AIG1: variants seen among roughly 807,000 people sequenced by gnomAD.
AIG1 encodes androgen-induced gene 1 protein.
Under a neutral mutation model 31.4 loss-of-function variants are expected in AIG1, and 23 were observed. The ratio of observed to expected loss-of-function variants is 0.73; its 90% CI spans 0.53 to 1.04. AIG1 has a LOEUF of 1.04. Among genes scored for constraint, AIG1 ranks in the 50% least tolerant of loss-of-function variants. The pLI is 0.00. For synonymous variants in AIG1, 100 were observed against 110.5 expected, an observed-to-expected ratio of 0.90 and a Z score of 0.60; for missense variants, 274 against 295.0, an observed-to-expected ratio of 0.93 and a Z score of 0.52.
intron 2 of AIG1, among the ~76,000 whole-genome samples, chr6:143,153,026 G>A (rs1022883846): frequency 1.3e-5 from 2 of 152,142 alleles, no homozygotes; most frequent in Admixed American, 6.5e-5. Flanking sequence ...CTAAAGTCAC[G>A]GGATGACACA....
At chr6:143,067,803 T>G (rs1305238732) in intron 1 of AIG1, among the ~76,000 whole-genome samples, 1 of 152,136 alleles carries the variant, frequency 6.6e-6, no homozygotes, top group Admixed American at 6.5e-5. Flanking sequence ...TAGGTGGATT[T>G]TTTTCTGTTT....
upstream of AIG1, chr6:143,060,853 CGCCCCCGCGCGCCCGGCGCCT>C: frequency 9.3e-7 from 1 of 1,077,734 alleles, no homozygotes; most frequent in Non-Finnish European, 1.1e-6. Context: ...CCACGGCGCC[CGCCCCCGCGCGCCCGGCGCCT>C]CCCTCACGCC....
At chr6:143,161,805 G>A (rs1325122584) in intron 2 of AIG1, among the ~76,000 whole-genome samples, 5 of 152,046 alleles carry the variant, frequency 3.3e-5, no homozygotes, top group African/African-American at 7.2e-5. Flanking sequence ...TTCTCAACTT[G>A]ATAAAAGACA....
chr6:143,213,830 C>T (rs553108251), intron 3 of AIG1, among the ~76,000 whole-genome samples: 2 of 151,976 alleles, frequency 1.3e-5, no homozygotes, highest in East Asian at 3.9e-4. Flanking sequence ...GAAGTTCTTT[C>T]TGAGAAGACA....
chr6:143,254,637 T>C (rs1795248818), intron 3 of AIG1, among the ~76,000 whole-genome samples: 1 of 152,182 alleles, frequency 6.6e-6, no homozygotes, highest in Non-Finnish European at 1.5e-5. Context: ...AATATACAAT[T>C]GTAGCTCTAA....
intron 1 of AIG1, among the ~76,000 whole-genome samples, chr6:143,117,157 TCAAAGAGACAGCCC>T (rs1781809147): frequency 6.6e-6 from 1 of 151,974 alleles, no homozygotes. Flanking sequence ...AGGGTGCAGT[TCAAAGAGACAGCCC>T]CAAACCCAGG....
intron 3 of AIG1, among the ~76,000 whole-genome samples, chr6:143,228,977 G>A (rs1291968412): frequency 2.0e-5 from 3 of 152,312 alleles, no homozygotes; most frequent in East Asian, 1.9e-4. Context: ...TGGCAGTGCC[G>A]GATCATGCCA....
chr6:143,286,498 C>T (rs768584697), intron 4 of AIG1, among the ~76,000 whole-genome samples: 2 of 152,110 alleles, frequency 1.3e-5, no homozygotes, highest in Non-Finnish European at 2.9e-5. Flanking sequence ...TAAACAATGG[C>T]CCTCACGTCA....
intron 4 of AIG1, among the ~76,000 whole-genome samples, chr6:143,318,932 C>T (rs1775980712): frequency 6.6e-6 from 1 of 152,044 alleles, no homozygotes; most frequent in South Asian, 2.1e-4. Context: ...TGTGATACCA[C>T]CTTACTCCTG....
chr6:143,278,168 A>AGT (rs1198333275), intron 3 of AIG1, among the ~76,000 whole-genome samples: 1 of 152,160 alleles, frequency 6.6e-6, no homozygotes, highest in Non-Finnish European at 1.5e-5. Flanking sequence ...CAGAATCTAA[A>AGT]CCTCCAACTC....
chr6:143,148,277 G>A (rs1457421009), intron 2 of AIG1, among the ~76,000 whole-genome samples: 1 of 142,794 alleles, frequency 7.0e-6, no homozygotes, highest in Non-Finnish European at 1.5e-5. Flanking sequence ...GAGGCAGGCA[G>A]ATCACTAGAG....
At chr6:143,120,361 C>T (rs763295879) in intron 1 of AIG1, among the ~76,000 whole-genome samples, 5 of 152,130 alleles carry the variant, frequency 3.3e-5, no homozygotes, top group Non-Finnish European at 5.9e-5. Context: ...TCCATTCTCA[C>T]GCTGCTAATA....
intron 3 of AIG1, among the ~76,000 whole-genome samples, chr6:143,205,921 T>G (rs1338199170): frequency 6.6e-6 from 1 of 152,252 alleles, no homozygotes; most frequent in Non-Finnish European, 1.5e-5. Flanking sequence ...TTTGATGGCC[T>G]TGCCAATGGA....
chr6:143,180,360 C>T (rs576355184), intron 3 of AIG1, among the ~76,000 whole-genome samples: 9 of 152,264 alleles, frequency 5.9e-5, no homozygotes, highest in Non-Finnish European at 1.2e-4. Flanking sequence ...AAAACAGCTC[C>T]GCAAGCCAAC....
intron 2 of AIG1, among the ~76,000 whole-genome samples, chr6:143,160,411 C>G (rs1786241855): frequency 6.6e-6 from 1 of 152,152 alleles, no homozygotes. Flanking sequence ...CATTAATTTC[C>G]TAGTAGTTCT....
Position 143,292,647 on chromosome 6 carries a change from A to G in AIG1, c.515+8422A>G, listed in dbSNP as rs1004094545. 6.6e-6 allele frequency among the ~76,000 whole-genome samples: 1 copy of G among 152,230 alleles called. No homozygotes were observed. The highest frequency in any genetic ancestry group is 2.4e-5 in the African/African-American group (1 of 41,454). Reference sequence around the variant, plus strand: ...CGATGAATATGTGTTGTTTTAAGCCACAAGTCTGTGGCAATGTGTCATAGT... The same window carrying G: ...CGATGAATATGTGTTGTTTTAAGCCGCAAGTCTGTGGCAATGTGTCATAGT... On this transcript the variant is annotated intron_variant, in intron 4 of 5. Coordinates refer to ENST00000357847, the MANE Select transcript of AIG1 (RefSeq NM_016108.4). This position sits in a 1 kb window ranked among gnomAD's most constrained non-coding sequence, Gnocchi z 4.9.
At chr6:143,075,252 A>T (rs6907970) in intron 1 of AIG1, among the ~76,000 whole-genome samples, 1 of 151,628 alleles carries the variant, frequency 6.6e-6, no homozygotes, top group African/African-American at 2.4e-5. Flanking sequence ...TCAGCTTTTG[A>T]TTTTTTTCGT....
chr6:143,235,300 C>T (rs1318378272), intron 3 of AIG1, among the ~76,000 whole-genome samples: 1 of 152,028 alleles, frequency 6.6e-6, no homozygotes, highest in African/African-American at 2.4e-5. Flanking sequence ...TTAGTATTTC[C>T]TTTCATCATT....
rs566185656 is a variant in AIG1 at position 143,329,882 on chromosome 6, G to A, written c.516-3400G>A. 1.6e-4 allele frequency among the ~76,000 whole-genome samples: 25 copies of A among 152,254 alleles called. No homozygotes were observed. Among genetic ancestry groups the A allele is most frequent in the Middle Eastern group, 3.4e-3 (1 of 294 alleles). On this transcript the variant is annotated intron_variant, in intron 4 of 5. Coordinates refer to ENST00000357847, the MANE Select transcript of AIG1 (RefSeq NM_016108.4). The surrounding 1 kb of genome is among the most constrained non-coding windows in gnomAD (Gnocchi z 4.9). ...ATGGCTGCTTTTGCACTACAATGGC[G>A]GAGTTGAGTAGGTGTGATCGAGACC...
Sources: gnomAD v4.1 joint callset for allele counts (sites outside exome capture counted in the v4.1 genomes callset) on GRCh38, gnomAD v4.1.1 for gene constraint, Gnocchi (gnomAD v3.1) non-coding constraint, MANE v1.5 for transcripts, NCBI Gene and HGNC (gene_info 2026-07-23, HGNC 2026-07-21) for gene names.